Variants in EHMT1 observed in about 807,000 individuals in gnomAD.
EHMT1 encodes euchromatic histone lysine methyltransferase 1.
A neutral mutation model predicts 147.2 loss-of-function variants in EHMT1; 15 were observed. The ratio of observed to expected loss-of-function variants is 0.10; its 90% CI spans 0.07 to 0.16. The LOEUF (loss-of-function observed/expected upper bound fraction) is 0.16, where lower values mean the gene tolerates loss of function less well. Among genes scored for constraint, EHMT1 ranks in the 10% least tolerant of loss-of-function variants. The pLI is 1.00. For missense variants in EHMT1, 1,587 were observed against 1,772.4 expected (o/e 0.90, Z 1.88); for synonymous variants, 795 against 709.6 (o/e 1.12, Z -1.91).
At position 137,818,079 on chromosome 9, in the gene EHMT1, T is replaced by C; in HGVS notation, c.3481T>C (p.Ser1161Pro). 1 of 1,614,182 alleles carries C rather than the reference T, an allele frequency of 6.2e-7. No homozygotes were observed. The highest frequency in any genetic ancestry group is 8.5e-7 in the Non-Finnish European group (1 of 1,180,032). ...CTGCAGGTATGTTGGGGAGCTGATT[T>C]CAGACTCAGAAGCCGACGTTCGAGA... is the stretch of plus-strand genomic sequence containing the variant. Reference protein sequence around the residue: ...FVCEYVGELISDSEADVREED... With the variant: ...FVCEYVGELIPDSEADVREED... Residue 1161 changes from serine (S) to proline (P), a missense_variant, in exon 25 of 27, where the codon TCA becomes CCA. This residue lies in a region of EHMT1 where 156 missense variants were observed against 252.5 expected (regional missense o/e 0.62). Transcript: ENST00000460843.
intron 1 of EHMT1, among the ~76,000 whole-genome samples, chr9:137,652,920 G>C (rs891838011): frequency 2.6e-5 from 4 of 151,216 alleles, no homozygotes; most frequent in Non-Finnish European, 5.9e-5. Context: ...TAGAGACAAG[G>C]TTTCACCATG....
At chr9:137,734,524 G>T (rs868524060) in intron 4 of EHMT1, among the ~76,000 whole-genome samples, 15 of 152,352 alleles carry the variant, frequency 9.8e-5, no homozygotes, top group African/African-American at 2.6e-4. Context: ...AACAGGGATT[G>T]TGGGAGTCCA....
intron 18 of EHMT1, among the ~76,000 whole-genome samples, chr9:137,808,686 G>A (rs1255906811): frequency 8.1e-5 from 12 of 148,902 alleles, no homozygotes; most frequent in East Asian, 2.0e-4. Context: ...TGGGGGGGGC[G>A]CGTGGTGGCA....
At chr9:137,830,637 A>G (rs1189324034) in intron 25 of EHMT1, among the ~76,000 whole-genome samples, 5 of 146,300 alleles carry the variant, frequency 3.4e-5, no homozygotes, top group Admixed American at 1.3e-4. Context: ...GCTTCTTTGC[A>G]GCGTCTCACT....
intron 3 of EHMT1, among the ~76,000 whole-genome samples, chr9:137,725,999 A>G (rs1946586948): frequency 6.6e-6 from 1 of 151,836 alleles, no homozygotes; most frequent in Non-Finnish European, 1.5e-5. Flanking sequence ...ATGTTCACCC[A>G]TGTCATGGAC....
chr9:137,810,356 C>G (rs1480656744), intron 18 of EHMT1, among the ~76,000 whole-genome samples: 1 of 152,236 alleles, frequency 6.6e-6, no homozygotes, highest in Non-Finnish European at 1.5e-5. Flanking sequence ...CTGGTGATGA[C>G]GAAGGGTCAG....
Position 137,776,300 on chromosome 9 carries a change from C to T in EHMT1, c.1792-318C>T, listed in dbSNP as rs1462576971. ...TCTGTCCCTGTCCCTATCCGCCCTT[C>T]AGAGTAGGGGCCTTCTGGGTCCTTC... On this transcript the variant is annotated intron_variant, in intron 11 of 26. Transcript: ENST00000460843. The surrounding 1 kb of genome is among the most constrained non-coding windows in gnomAD (Gnocchi z 4.4). Among the ~76,000 whole-genome samples the T allele has an allele frequency of 6.6e-6, 1 of 152,194 alleles. No individual in the cohort carries two copies. The highest frequency in any genetic ancestry group is 1.5e-5 in the Non-Finnish European group (1 of 68,044).
At chr9:137,721,721 G>A (rs998203913) in intron 3 of EHMT1, among the ~76,000 whole-genome samples, 3 of 151,960 alleles carry the variant, frequency 2.0e-5, no homozygotes, top group African/African-American at 7.3e-5. Context: ...TTGGTGAAAT[G>A]TCTTTCAGAC....
At chr9:137,817,925 C>T (rs1955057372) in intron 24 of EHMT1, 135 bp from the exon 25 acceptor site, 3 of 864,392 alleles carry the variant, frequency 3.5e-6, no homozygotes, top group Admixed American at 1.9e-5. Context: ...CTGGGCACAC[C>T]TCTCTAAACA....
chr9:137,753,277 C>T (rs947483900), intron 7 of EHMT1, among the ~76,000 whole-genome samples: 6 of 152,032 alleles, frequency 3.9e-5, no homozygotes, highest in Non-Finnish European at 7.4e-5. Flanking sequence ...GGCCGAGCAG[C>T]GAGTGGGAGG....
At chr9:137,661,327 GTTTA>G (rs1017382606) in intron 1 of EHMT1, among the ~76,000 whole-genome samples, 50 of 151,824 alleles carry the variant, frequency 3.3e-4, no homozygotes, top group African/African-American at 1.2e-3. Flanking sequence ...TTAGGATGGT[GTTTA>G]TTTTTTTAAT....
Position 137,710,909 on chromosome 9 carries a change from A to G in EHMT1, c.22-58A>G, listed in dbSNP as rs1944647068. ...TTTTGACTTTTTCCAAATGATGTCCATTTGGAAAAGCGGCCTCCCACTGAA... is the reference window on the plus strand; with the variant it reads ...TTTTGACTTTTTCCAAATGATGTCCGTTTGGAAAAGCGGCCTCCCACTGAA... On this transcript the variant is annotated intron_variant, in intron 1 of 26. Coordinates refer to ENST00000460843, the MANE Select transcript of EHMT1 (RefSeq NM_024757.5). 4 of 1,547,712 alleles carry G rather than the reference A, an allele frequency of 2.6e-6. No individual in the cohort carries two copies. In the South Asian group the frequency reaches 3.6e-5, roughly 14 times the overall value.
At chr9:137,633,306 T>C (rs1415567611) in intron 1 of EHMT1, among the ~76,000 whole-genome samples, 1 of 151,884 alleles carries the variant, frequency 6.6e-6, no homozygotes, top group Non-Finnish European at 1.5e-5. Context: ...AAGATCAAAA[T>C]ATAATTGACT....
chr9:137,710,878 A>T, intron 1 of EHMT1, 89 bp from the exon 2 acceptor site: 1 of 1,441,958 alleles, frequency 6.9e-7, no homozygotes, highest in Non-Finnish European at 9.5e-7. Context: ...TGTTGTAACT[A>T]CGATTTTTTG....
At chr9:137,626,342 A>C (rs748875781) in intron 1 of EHMT1, among the ~76,000 whole-genome samples, 11 of 151,936 alleles carry the variant, frequency 7.2e-5, no homozygotes, top group Non-Finnish European at 1.5e-4. Context: ...GCAACACAGC[A>C]AGACCCTAAA....
chr9:137,769,451 T>A (rs1357360802), intron 10 of EHMT1, among the ~76,000 whole-genome samples: 2 of 152,260 alleles, frequency 1.3e-5, no homozygotes, highest in Non-Finnish European at 2.9e-5. Context: ...AGCTTTTGTT[T>A]GTTTGAAAAA....
chr9:137,642,894 C>T lies in EHMT1; in HGVS notation c.21+23845C>T, dbSNP rs776529248. 2.6e-5 allele frequency among the ~76,000 whole-genome samples: 4 copies of T among 152,292 alleles called. No individual in the cohort carries two copies. In the South Asian group the frequency reaches 6.2e-4, roughly 24 times the overall value. ...GCTCTTGATTGCATTCCCCTCCCCT[C>T]CCCTCTTGACAGGGTCTCGCTCTGT... On this transcript the variant is annotated intron_variant, in intron 1 of 26. Transcript: ENST00000460843.
At chr9:137,778,935 G>C (rs912011967) in intron 13 of EHMT1, among the ~76,000 whole-genome samples, 17 of 152,284 alleles carry the variant, frequency 1.1e-4, no homozygotes, top group Admixed American at 1.1e-3. Context: ...GACAGAGAAG[G>C]GGGAGGCTCC....
intron 1 of EHMT1, among the ~76,000 whole-genome samples, chr9:137,710,397 G>C (rs1247234608): frequency 6.6e-6 from 1 of 152,140 alleles, no homozygotes; most frequent in Non-Finnish European, 1.5e-5. Flanking sequence ...CGCTTGAACT[G>C]TGGAAGCAGA....
Sources: gnomAD v4.1 joint callset for allele counts (sites outside exome capture counted in the v4.1 genomes callset) on GRCh38, gnomAD v4.1.1 for gene constraint, gnomAD v4.1.1 regional missense constraint, Gnocchi (gnomAD v3.1) non-coding constraint, MANE v1.5 for transcripts, NCBI Gene and HGNC (gene_info 2026-07-23, HGNC 2026-07-21) for gene names.